Variants in TRIM47 observed in about 807,000 individuals in gnomAD.
TRIM47 encodes tripartite motif containing 47, also known as E3 ubiquitin-protein ligase TRIM47.
In TRIM47, 46 loss-of-function variants were observed where a neutral mutation model predicts 54.4. The observed-to-expected ratio is 0.84, with a 90% confidence interval of 0.67 to 1.08. The LOEUF is 1.08. TRIM47 is among the 50% of genes least tolerant of loss of function. TRIM47 has a pLI of 0.00. For missense variants in TRIM47, 825 were observed against 910.1 expected, an observed-to-expected ratio of 0.91 and a Z score of 1.20; for synonymous variants, 392 against 410.2, an observed-to-expected ratio of 0.96 and a Z score of 0.54.
chr17:75,877,912 C>A lies in TRIM47; in HGVS notation c.637G>T (p.Glu213Ter). Residue 213 changes from glutamate to a stop codon, truncating the protein, a stop_gained, in exon 1 of 6, where the codon GAG becomes TAG. Transcript: ENST00000254816. LOFTEE classifies it high-confidence loss of function. ...CGCTCCTGCTCCAGCGGCACCAGCT[C>A]GTGGCCGCGGTGCTCCTGTGCGGCG... is the stretch of plus-strand genomic sequence containing the variant. ...ACAAQEHRGHELVPLEQERAL... is the reference protein window; with the variant it reads ...ACAAQEHRGH The A allele has an allele frequency of 7.0e-7, 1 of 1,424,318 alleles. No individual in the cohort carries two copies. The allele number at this position is 1,424,318 out of a possible 1,614,324, so 88.2% of individuals were successfully genotyped here. A position where few individuals can be genotyped will look rare whatever the true frequency, so the allele number is the denominator to read the frequency against.
chr17:75,878,218 G>A lies in TRIM47; in HGVS notation c.331C>T (p.Pro111Ser). 1 of 1,229,966 alleles carries A rather than the reference G, an allele frequency of 8.1e-7. No homozygotes were observed. The highest frequency in any genetic ancestry group is 1.0e-6 in the Non-Finnish European group (1 of 986,768). 76.2% of individuals were successfully genotyped at this position (1,229,966 alleles called of 1,614,324 possible). Residue 111 changes from proline (P) to serine (S), a missense_variant, in exon 1 of 6, where the codon CCG becomes TCG. By Grantham distance (74) the Pro-to-Ser change is moderately conservative. Coordinates refer to ENST00000254816, the MANE Select transcript of TRIM47 (RefSeq NM_033452.3). ...APSALPSVPEPSAPCAPEPWP... is the reference protein window; with the variant it reads ...APSALPSVPESSAPCAPEPWP... The stretch of plus-strand genomic sequence containing the variant: ...GGCTCGGGAGCGCAGGGGGCCGACG[G>A]CTCCGGGACACTGGGCAGCGCGCTG...
Position 75,876,471 on chromosome 17 carries a change from C to T in TRIM47, c.793G>A (p.Glu265Lys), listed in dbSNP as rs1180488293. The stretch of plus-strand genomic sequence containing the variant: ...TCTGCAAACAGCCGGCTCACCCTCT[C>T]CCGCTCTGCTACGGCTGCACTCTGC... ...LIKSAAVAER[E>K]RVSRLFADAA... The change falls in exon 3 of 6, where the codon GAG becomes AAG. Residue 265 changes from glutamate to lysine, a missense_variant. Transcript: ENST00000254816. The T allele has an allele frequency of 1.2e-6, 2 of 1,608,146 alleles. No individual in the cohort carries two copies. Among genetic ancestry groups the T allele is most frequent in the East Asian group, 2.2e-5 (1 of 44,818 alleles).
chr17:75,878,436 G>C lies in TRIM47; in HGVS notation c.113C>G (p.Pro38Arg). The change falls in exon 1 of 6, where the codon CCG becomes CGG. Residue 38 changes from proline to arginine, a missense_variant. Pro to Arg is a moderately radical substitution (Grantham distance 103). Transcript: ENST00000254816. The part of the protein sequence containing the change: ...FCLACLGALW[P>R]HRGASGAGGP... Reference sequence around the variant, plus strand: ...GCCGGCTCCACTCGCGCCACGATGCGGCCAGAGCGCGCCCAGGCAGGCGAG... The same window carrying C: ...GCCGGCTCCACTCGCGCCACGATGCCGCCAGAGCGCGCCCAGGCAGGCGAG... 3 of 1,427,942 alleles carry C rather than the reference G, an allele frequency of 2.1e-6. No individual in the cohort carries two copies. The highest frequency in any genetic ancestry group is 2.8e-6 in the Non-Finnish European group (3 of 1,081,236). The allele number at this position is 1,427,942 out of a possible 1,614,324, so 88.5% of individuals were successfully genotyped here. A position where few individuals can be genotyped will look rare whatever the true frequency, so the allele number is the denominator to read the frequency against.
In TRIM47 at chr17:75,875,882, G is replaced by A. The variant is rs2065130020; in HGVS notation, c.1201+19C>T. The A allele has an allele frequency of 6.2e-7, 1 of 1,607,676 alleles. No homozygotes were observed. Among genetic ancestry groups the A allele is most frequent in the Non-Finnish European group, 8.5e-7 (1 of 1,178,128 alleles). ...CTGGCAGAGGGTGAGTCATCGGGGG[G>A]GCGTGGGGCGGTGCCCACCTTCCGA... On this transcript the variant is annotated intron_variant, in intron 4 of 5. Transcript: ENST00000254816. The surrounding 1 kb of genome is among the most constrained non-coding windows in gnomAD (Gnocchi z 6.1).
intron 2 of TRIM47, 65 bp from the exon 3 acceptor site, chr17:75,876,557 C>T: frequency 6.6e-7 from 1 of 1,508,044 alleles, no homozygotes; most frequent in Admixed American, 2.0e-5. Context: ...TACCCCCCTC[C>T]TTCCCTGACC....
intron 1 of TRIM47, chr17:75,877,558 A>T: frequency 1.4e-6 from 1 of 696,712 alleles, no homozygotes; most frequent in Non-Finnish European, 1.9e-6. Context: ...CGGGAGCAGC[A>T]GCCACGCTAC....
chr17:75,874,924 C>A lies in TRIM47; in HGVS notation c.1476G>T (p.Trp492Cys), dbSNP rs1166352266. 1.2e-6 allele frequency: 2 copies of A among 1,614,128 alleles called. No homozygotes were observed. Among genetic ancestry groups the A allele is most frequent in the East Asian group, 4.5e-5 (2 of 44,862 alleles). ...YYWEVEIIEG[W>C]VSMGVMAEDF... The stretch of plus-strand genomic sequence containing the variant: ...CTTCGGCCATGACCCCCATGCTGAC[C>A]CAGCCCTCGATAATCTCCACCTCCC... Residue 492 changes from tryptophan (W) to cysteine (C), a missense_variant, in exon 6 of 6, where the codon TGG becomes TGT. By Grantham distance (215) the Trp-to-Cys change is radical. Transcript: ENST00000254816. This position sits in a 1 kb window ranked among gnomAD's most constrained non-coding sequence, Gnocchi z 6.2.
chr17:75,874,353 G>A lies in TRIM47; in HGVS notation c.*130C>T, dbSNP rs954643075. On this transcript the variant is annotated 3_prime_UTR_variant, in exon 6 of 6. Transcript: ENST00000254816. The surrounding 1 kb of genome is among the most constrained non-coding windows in gnomAD (Gnocchi z 6.2). ...GAGGGAAGGCTGAGTGTATAAAAAG[G>A]TGGAAGCCTCTAGAAATGAGAAGGC... 2.3e-6 allele frequency: 2 copies of A among 866,330 alleles called. No individual in the cohort carries two copies. The highest frequency in any genetic ancestry group is 5.6e-5 in the Admixed American group (2 of 35,430). 53.7% of individuals were successfully genotyped at this position (866,330 alleles called of 1,614,324 possible).
In TRIM47 at chr17:75,875,021, A is replaced by G; in HGVS notation, c.1379T>C (p.Leu460Ser). 1 of 1,614,140 alleles carries G rather than the reference A, an allele frequency of 6.2e-7. No individual in the cohort carries two copies. Among genetic ancestry groups the G allele is most frequent in the Non-Finnish European group, 8.5e-7 (1 of 1,179,996 alleles). The change falls in exon 6 of 6, where the codon TTG (leucine) becomes TCG (serine). Residue 460 changes from leucine (L) to serine (S), a missense_variant. Coordinates refer to ENST00000254816, the MANE Select transcript of TRIM47 (RefSeq NM_033452.3). This position sits in a 1 kb window ranked among gnomAD's most constrained non-coding sequence, Gnocchi z 6.1. ...ACAATGGGTGAAGCGGGTGGGCGACAAGGGGTAGTTGATAGGACACAGCAC... is the reference window on the plus strand; with the variant it reads ...ACAATGGGTGAAGCGGGTGGGCGACGAGGGGTAGTTGATAGGACACAGCAC... Reference protein sequence around the residue: ...KRVLCPINYPLSPTRFTHCEQ... With the variant: ...KRVLCPINYPSSPTRFTHCEQ...
At position 75,875,486 on chromosome 17, in the gene TRIM47, G is replaced by A. The variant is rs2065127926; in HGVS notation, c.1202-12C>T. ...GGGCTCAGCATCAGCTGTAGAAGAGGAGACAGTGGTGAGAACGCCCCCAGA... is the reference window on the plus strand; with the variant it reads ...GGGCTCAGCATCAGCTGTAGAAGAGAAGACAGTGGTGAGAACGCCCCCAGA... On this transcript the variant is annotated splice_polypyrimidine_tract_variant and intron_variant, in intron 4 of 5. Transcript: ENST00000254816. The surrounding 1 kb of genome is among the most constrained non-coding windows in gnomAD (Gnocchi z 6.1). 6.2e-7 allele frequency: 1 copy of A among 1,613,752 alleles called. No homozygotes were observed. Among genetic ancestry groups the A allele is most frequent in the Non-Finnish European group, 8.5e-7 (1 of 1,179,708 alleles).
intron 1 of TRIM47, 199 bp downstream of exon 1, chr17:75,877,675 G>A: frequency 8.1e-7 from 1 of 1,231,982 alleles, no homozygotes; most frequent in South Asian, 3.9e-5. Context: ...CTGTTCTCAC[G>A]TCCCTCCTTC....
At chr17:75,877,595 C>A (rs2065143078) in intron 1 of TRIM47, 3 of 1,067,502 alleles carry the variant, frequency 2.8e-6, no homozygotes, top group African/African-American at 1.6e-5. Flanking sequence ...TAACCCGGCT[C>A]CCTCCCGCCT....
In TRIM47 at chr17:75,878,215, A is replaced by C. The variant is rs537756893; in HGVS notation, c.334T>G (p.Ser112Ala). The C allele has an allele frequency of 8.2e-5, 101 of 1,227,938 alleles. No homozygotes were observed. Among genetic ancestry groups the C allele is most frequent in the Non-Finnish European group, 9.9e-5 (98 of 985,962 alleles). 76.1% of individuals were successfully genotyped at this position (1,227,938 alleles called of 1,614,324 possible). Residue 112 changes from serine (S) to alanine (A), a missense_variant, in exon 1 of 6, where the codon TCG becomes GCG. Physicochemically the swap from Ser to Ala is moderately conservative, Grantham distance 99 (BLOSUM62 1). Coordinates refer to ENST00000254816, the MANE Select transcript of TRIM47 (RefSeq NM_033452.3). ...CACGGCTCGGGAGCGCAGGGGGCCG[A>C]CGGCTCCGGGACACTGGGCAGCGCG... is the stretch of plus-strand genomic sequence containing the variant. ...PSALPSVPEP[S>A]APCAPEPWPA... is the part of the protein sequence containing the mutation.
rs1217787126 is a variant in TRIM47, at chr17:75,878,481, G to A, written c.68C>T (p.Pro23Leu). Residue 23 changes from proline to leucine, a missense_variant, in exon 1 of 6, where the codon CCC becomes CTC. Pro to Leu is a moderately conservative substitution (Grantham distance 98). Transcript: ENST00000254816. ...LEPLREPVTL[P>L]CGHNFCLACL... The stretch of plus-strand genomic sequence containing the variant: ...GGCGAGACAGAAGTTGTGGCCGCAG[G>A]GCAGCGTCACCGGCTCCCGGAGTGG... 7.2e-7 allele frequency: 1 copy of A among 1,395,368 alleles called. No homozygotes were observed. Among genetic ancestry groups the A allele is most frequent in the South Asian group, 1.6e-5 (1 of 64,446 alleles). 86.4% of individuals were successfully genotyped at this position (1,395,368 alleles called of 1,614,324 possible).
At chr17:75,876,586 T>A in intron 2 of TRIM47, 94 bp from the exon 3 acceptor site, 1 of 1,505,766 alleles carries the variant, frequency 6.6e-7, no homozygotes. Flanking sequence ...CCACCGGCCC[T>A]CTTGAGGGGA....
rs374902611 is a variant in TRIM47, at chr17:75,878,404, C to T, written c.145G>A (p.Gly49Arg). The T allele has an allele frequency of 6.4e-5, 91 of 1,425,950 alleles. No homozygotes were observed. The African/African-American group carries it at 1.3e-3, about 21-fold the overall frequency. 88.3% of individuals were successfully genotyped at this position (1,425,950 alleles called of 1,614,324 possible). Reference sequence around the variant, plus strand: ...CACAGCGGGCAGCGGGCCGCGCCTCCGGGTCCGCCGGCTCCACTCGCGCCA... The same window carrying T: ...CACAGCGGGCAGCGGGCCGCGCCTCTGGGTCCGCCGGCTCCACTCGCGCCA... ...HRGASGAGGP[G>R]GAARCPLCQE... Residue 49 changes from glycine to arginine, a missense_variant, in exon 1 of 6, where the codon GGA becomes AGA. By Grantham distance (125) the Gly-to-Arg change is moderately radical. Coordinates refer to ENST00000254816, the MANE Select transcript of TRIM47 (RefSeq NM_033452.3).
intron 3 of TRIM47, 72 bp from the exon 4 acceptor site, chr17:75,876,171 G>A: frequency 6.4e-7 from 1 of 1,573,506 alleles, no homozygotes; most frequent in South Asian, 1.1e-5. Flanking sequence ...AGGCAGCTCT[G>A]CCAGGAAGTC....
chr17:75,878,182 C>G lies in TRIM47; in HGVS notation c.367G>C (p.Gly123Arg). ...APCAPEPWPA[G>R]EEPVRCDACP... is the part of the protein sequence containing the mutation. ...GCGTCGCAGCGCACTGGCTCTTCGC[C>G]CGCGGGCCACGGCTCGGGAGCGCAG... is the stretch of plus-strand genomic sequence containing the variant. Residue 123 changes from glycine (G) to arginine (R), a missense_variant, in exon 1 of 6, where the codon GGC (glycine) becomes CGC (arginine). Gly to Arg is a moderately radical substitution (Grantham distance 125). Transcript: ENST00000254816. The G allele has an allele frequency of 1.6e-6, 2 of 1,229,314 alleles. No individual in the cohort carries two copies. Among genetic ancestry groups the G allele is most frequent in the Non-Finnish European group, 1.0e-6 (1 of 986,648 alleles). The allele number at this position is 1,229,314 out of a possible 1,614,324, so 76.2% of individuals were successfully genotyped here.
In TRIM47 at chr17:75,876,255, C is replaced by G; in HGVS notation, c.1002+7G>C. ...GTTCCTTCCGTGGCCCCCAGAGCGG[C>G]CTTCACCTGCAGGAAGCTGACTGAG... On this transcript the variant is annotated splice_region_variant and intron_variant, in intron 3 of 5. Coordinates refer to ENST00000254816, the MANE Select transcript of TRIM47 (RefSeq NM_033452.3). 1.2e-6 allele frequency: 2 copies of G among 1,600,786 alleles called. No homozygotes were observed. The highest frequency in any genetic ancestry group is 2.7e-5 in the African/African-American group (2 of 74,872).
Sources: allele counts gnomAD v4.1 joint callset, GRCh38; gene constraint gnomAD v4.1.1; non-coding constraint Gnocchi (gnomAD v3.1); transcripts MANE v1.5; gene names NCBI Gene and HGNC (gene_info 2026-07-23, HGNC 2026-07-21).